PPEF1: variants seen among roughly 807,000 people sequenced by gnomAD.
PPEF1 encodes serine/threonine-protein phosphatase with EF-hands 1.
PPEF1 carries 12 observed loss-of-function variants against 53.3 expected under a neutral mutation model. That is an observed-to-expected ratio of 0.23 (90% CI 0.14 to 0.36). The LOEUF (loss-of-function observed/expected upper bound fraction) is 0.36, where lower values mean the gene tolerates loss of function less well. Ranked by LOEUF, PPEF1 falls within the 10% of genes least tolerant of loss-of-function variation. The pLI, the probability that PPEF1 is intolerant of heterozygous loss-of-function variation, is 1.00. For synonymous variants in PPEF1, 165 were observed against 176.7 expected, an observed-to-expected ratio of 0.93 and a Z score of 0.52; for missense variants, 334 against 490.4, an observed-to-expected ratio of 0.68 and a Z score of 3.01.
Position 18,790,294 on chromosome X carries a change from A to T in PPEF1, c.1065+1021A>T, listed in dbSNP as rs775455839. 2.7e-5 allele frequency among the ~76,000 whole-genome samples: 3 copies of T among 111,964 alleles called. No individual in the cohort carries two copies. In the East Asian group the frequency reaches 8.4e-4, roughly 31 times the overall value. On this transcript the variant is annotated intron_variant, in intron 10 of 15. Coordinates refer to ENST00000470157, the MANE Select transcript of PPEF1 (RefSeq NM_001377996.1). The stretch of plus-strand genomic sequence containing the variant: ...CTTTGCCCATCTTAAAAACTGAGTT[A>T]TTTATCTTTTTATTATTGCATTGTA...
chrX:18,738,219 A>T (rs746307728), intron 3 of PPEF1, among the ~76,000 whole-genome samples: 153 of 111,059 alleles, frequency 1.4e-3, no homozygotes, highest in Non-Finnish European at 2.1e-3. Flanking sequence ...CTTCCTAGCC[A>T]CGATGGTCTT....
intron 4 of PPEF1, among the ~76,000 whole-genome samples, chrX:18,750,992 C>T (rs908911121): frequency 1.8e-5 from 2 of 111,641 alleles, no homozygotes; most frequent in Non-Finnish European, 3.8e-5. Flanking sequence ...ACCTTCTTTG[C>T]AGAAATCTGT....
At chrX:18,754,538 C>T (rs191540803) in intron 4 of PPEF1, among the ~76,000 whole-genome samples, 1 of 111,087 alleles carries the variant, frequency 9.0e-6, no homozygotes, top group Admixed American at 9.6e-5. Context: ...CACCTGCCAA[C>T]AGCAAATTTA....
Position 18,736,809 on chromosome X carries a change from C to T in PPEF1, c.235+3001C>T, listed in dbSNP as rs757168095. Reference sequence around the variant, plus strand: ...TTAATTATTGCCTCAATTTCAGAGCCTGTTATTGGTCTATTCAGAGATTCA... The same window carrying T: ...TTAATTATTGCCTCAATTTCAGAGCTTGTTATTGGTCTATTCAGAGATTCA... On this transcript the variant is annotated intron_variant, in intron 3 of 15. Coordinates refer to ENST00000470157, the MANE Select transcript of PPEF1 (RefSeq NM_001377996.1). Among the ~76,000 whole-genome samples, 7 of 112,248 alleles carry T rather than the reference C, an allele frequency of 6.2e-5. No homozygotes were observed. In the East Asian group the frequency reaches 1.7e-3, roughly 27 times the overall value.
At chrX:18,816,050 G>A (rs182687712) in intron 12 of PPEF1, among the ~76,000 whole-genome samples, 1,833 of 109,822 alleles carry the variant, frequency 0.017, 31 homozygotes, top group African/African-American at 0.057. Context: ...ACAGGCATGA[G>A]CCACCACATC....
chrX:18,797,259 G>A (rs2046449796), intron 10 of PPEF1, among the ~76,000 whole-genome samples: 1 of 111,884 alleles, frequency 8.9e-6, no homozygotes, highest in African/African-American at 3.2e-5. Flanking sequence ...ATATCTATGA[G>A]CTATTTTGTA....
intron 4 of PPEF1, among the ~76,000 whole-genome samples, chrX:18,696,235 C>A (rs1929708907): frequency 9.1e-6 from 1 of 110,429 alleles, no homozygotes; most frequent in Non-Finnish European, 1.9e-5. Context: ...TTACTGCAGC[C>A]TCGATCTTGC....
At chrX:18,721,241 A>G (rs1184366269) in intron 1 of PPEF1, among the ~76,000 whole-genome samples, 2 of 111,975 alleles carry the variant, frequency 1.8e-5, no homozygotes, top group Non-Finnish European at 3.8e-5. Flanking sequence ...AATGTGTGAA[A>G]TGTTTAGTGT....
chrX:18,818,661 G>T (rs1176263447), intron 13 of PPEF1, among the ~76,000 whole-genome samples: 2 of 111,796 alleles, frequency 1.8e-5, no homozygotes, highest in Non-Finnish European at 3.8e-5. Flanking sequence ...GAGCCACCCG[G>T]CCCTAAACCT....
intron 5 of PPEF1, among the ~76,000 whole-genome samples, chrX:18,699,077 A>G (rs759832476): frequency 5.4e-5 from 6 of 111,079 alleles, no homozygotes; most frequent in Non-Finnish European, 1.1e-4. Flanking sequence ...GTATAGCTAC[A>G]TTGTCCACTA....
chrX:18,754,029 T>C (rs1047595046), intron 4 of PPEF1, among the ~76,000 whole-genome samples: 3 of 102,375 alleles, frequency 2.9e-5, no homozygotes, highest in African/African-American at 1.1e-4. Flanking sequence ...TGACAGAGAC[T>C]TCCTTGAACA....
chrX:18,717,149 A>G (rs2044477708), intron 1 of PPEF1, among the ~76,000 whole-genome samples: 1 of 97,697 alleles, frequency 1.0e-5, no homozygotes, highest in Non-Finnish European at 2.0e-5. Flanking sequence ...CTCCCCAAAT[A>G]TTTTTGAAAA....
At chrX:18,734,215 GGT>G (rs1329475459) in intron 3 of PPEF1, among the ~76,000 whole-genome samples, 1 of 108,085 alleles carries the variant, frequency 9.3e-6, no homozygotes, top group Non-Finnish European at 1.9e-5. Flanking sequence ...GTGCCATGTT[GGT>G]GTGCTGCACC....
rs1372900678 is a variant in PPEF1 at position 18,806,580 on chromosome X, T to A, written c.1394+35T>A. On this transcript the variant is annotated intron_variant, in intron 12 of 15. Coordinates refer to ENST00000470157, the MANE Select transcript of PPEF1 (RefSeq NM_001377996.1). ...CTATACCGAGAGTGCTGAGCACTGGTATCACGGACCCATTAGAACCAGTCC... is the reference window on the plus strand; with the variant it reads ...CTATACCGAGAGTGCTGAGCACTGGAATCACGGACCCATTAGAACCAGTCC... 1.7e-6 allele frequency: 2 copies of A among 1,151,613 alleles called. 1 individual carries two copies. The highest frequency in any genetic ancestry group is 4.4e-5 in the South Asian group (2 of 45,909). The allele number at this position is 1,151,613 out of a possible 1,213,427, so 94.9% of individuals were successfully genotyped here.
chrX:18,686,560 A>T (rs2056000596), intron 3 of PPEF1, among the ~76,000 whole-genome samples: 1 of 111,178 alleles, frequency 9.0e-6, no homozygotes, highest in Admixed American at 9.7e-5. Flanking sequence ...GGCTCGGATA[A>T]TTGGCTTAAG....
upstream of PPEF1, among the ~76,000 whole-genome samples, chrX:18,678,432 G>A (rs971656277): frequency 1.8e-5 from 2 of 111,303 alleles, no homozygotes; most frequent in South Asian, 3.8e-4. Flanking sequence ...GTGAGACCCC[G>A]TCTCAAAAAC....
chrX:18,689,275 G>T (rs961485645), intron 3 of PPEF1, among the ~76,000 whole-genome samples: 2 of 109,335 alleles, frequency 1.8e-5, no homozygotes, highest in Admixed American at 9.7e-5. Flanking sequence ...GGGAGCCCAA[G>T]AATTTGAGAC....
chrX:18,771,419 T>C (rs931540556), intron 6 of PPEF1, among the ~76,000 whole-genome samples: 2 of 111,723 alleles, frequency 1.8e-5, no homozygotes, highest in South Asian at 7.5e-4. Context: ...TAATTTTCTC[T>C]TTGATATAAT....
chrX:18,789,318 CG>C, intron 10 of PPEF1, 45 bp downstream of exon 10: 1 of 1,133,284 alleles, frequency 8.8e-7, no homozygotes, highest in Non-Finnish European at 1.2e-6. Flanking sequence ...ATGACACTAG[CG>C]TGCATGTTGT....
Sources: allele counts gnomAD v4.1 joint callset (sites outside exome capture counted in the v4.1 genomes callset), GRCh38; gene constraint gnomAD v4.1.1; transcripts MANE v1.5; gene names NCBI Gene and HGNC (gene_info 2026-07-23, HGNC 2026-07-21).